DHX40: variants seen among roughly 807,000 people sequenced by gnomAD.
DHX40 encodes probable ATP-dependent RNA helicase DHX40.
A neutral mutation model predicts 89.6 loss-of-function variants in DHX40; 28 were observed. The ratio of observed to expected loss-of-function variants is 0.31; its 90% CI spans 0.23 to 0.43. The LOEUF is 0.43. DHX40 is among the 20% of genes least tolerant of loss of function. The pLI, the probability that DHX40 is intolerant of heterozygous loss-of-function variation, is 1.00. For synonymous variants in DHX40, 226 were observed against 283.6 expected, an observed-to-expected ratio of 0.80 and a Z score of 2.04; for missense variants, 457 against 844.0, an observed-to-expected ratio of 0.54 and a Z score of 5.68.
intron 7 of DHX40, among the ~76,000 whole-genome samples, chr17:59,576,589 C>T (rs536946161): frequency 6.6e-6 from 1 of 152,230 alleles, no homozygotes; most frequent in African/African-American, 2.4e-5. Context: ...ATATTAGCTT[C>T]TTACTCTCTA....
At chr17:59,581,132 T>G (rs1472444460) in intron 10 of DHX40, among the ~76,000 whole-genome samples, 1 of 148,860 alleles carries the variant, frequency 6.7e-6, no homozygotes, top group East Asian at 2.0e-4. Context: ...GTGGAGTGTT[T>G]TTTTTGTATG....
intron 16 of DHX40, 124 bp downstream of exon 16, chr17:59,605,308 TA>T: frequency 8.0e-7 from 1 of 1,248,304 alleles, no homozygotes. Flanking sequence ...CATAGATCTA[TA>T]AGGGTATTGG....
intron 11 of DHX40, among the ~76,000 whole-genome samples, chr17:59,587,245 C>T (rs560189611): frequency 1.1e-4 from 16 of 150,784 alleles, no homozygotes; most frequent in Admixed American, 3.3e-4. Flanking sequence ...TTTTTTGAGA[C>T]GGAGTTTTAC....
rs2049004583 is a variant in DHX40, at chr17:59,586,833, G to A, written c.1424+600G>A. Among the ~76,000 whole-genome samples, 2 of 152,042 alleles carry A rather than the reference G, an allele frequency of 1.3e-5. 1 individual carries two copies. The highest frequency in any genetic ancestry group is 2.9e-5 in the Non-Finnish European group (2 of 67,998). On this transcript the variant is annotated intron_variant, in intron 11 of 17. Coordinates refer to ENST00000251241, the MANE Select transcript of DHX40 (RefSeq NM_024612.5). ...GTCCTTGTTTTCATGTTTGTGTGAT[G>A]GGGTGGTTAGGTTTGATATTAATAA...
intron 15 of DHX40, 94 bp downstream of exon 15, chr17:59,602,710 T>A: frequency 9.2e-7 from 1 of 1,090,492 alleles, no homozygotes; most frequent in South Asian, 1.6e-5. Context: ...AAGATTTGAT[T>A]TAAGCTCTGT....
chr17:59,602,757 C>G (rs2030611723), intron 15 of DHX40, 141 bp downstream of exon 15: 2 of 758,302 alleles, frequency 2.6e-6, no homozygotes, highest in Non-Finnish European at 4.0e-6. Context: ...CGAGGGAGAG[C>G]TACAGTGACG....
At chr17:59,587,198 TTC>T (rs1259114572) in intron 11 of DHX40, among the ~76,000 whole-genome samples, 1 of 147,582 alleles carries the variant, frequency 6.8e-6, no homozygotes, top group Non-Finnish European at 1.5e-5. Flanking sequence ...AAAATTATTA[TTC>T]TCTCATGTCT....
chr17:59,597,623 C>T (rs551864505), intron 12 of DHX40, among the ~76,000 whole-genome samples: 11 of 152,046 alleles, frequency 7.2e-5, no homozygotes, highest in South Asian at 6.2e-4. Context: ...GATGCGATCA[C>T]GGCTCACTGT....
chr17:59,570,514 A>T lies in DHX40; in HGVS notation c.281-4A>T. On this transcript the variant is annotated splice_region_variant and splice_polypyrimidine_tract_variant and intron_variant, in intron 2 of 17. Coordinates refer to ENST00000251241, the MANE Select transcript of DHX40 (RefSeq NM_024612.5). Reference sequence around the variant, plus strand: ...TTGTGTTTCTTTATCTCTGGTTTTGATAGGGTTTTCACAACATGGTATGAT... The same window carrying T: ...TTGTGTTTCTTTATCTCTGGTTTTGTTAGGGTTTTCACAACATGGTATGAT... 6.3e-7 allele frequency: 1 copy of T among 1,588,520 alleles called. No homozygotes were observed. Among genetic ancestry groups the T allele is most frequent in the East Asian group, 2.4e-5 (1 of 42,336 alleles).
intron 1 of DHX40, among the ~76,000 whole-genome samples, chr17:59,566,132 GGGAGCCAGTTTCCA>G (rs1295384586): frequency 6.6e-5 from 10 of 152,262 alleles, no homozygotes; most frequent in East Asian, 1.9e-4. Flanking sequence ...ACAGTATGAA[GGGAGCCAGTTTCCA>G]GGAGCCAGTT....
At chr17:59,586,046 T>G (rs2048990778) in intron 10 of DHX40, 107 bp from the exon 11 acceptor site, 1 of 797,248 alleles carries the variant, frequency 1.3e-6, no homozygotes, top group Non-Finnish European at 2.0e-6. Context: ...AGAAGATGAC[T>G]TGAAAAATAG....
chr17:59,591,681 A>AC (rs1200140281), intron 12 of DHX40, among the ~76,000 whole-genome samples: 1 of 151,330 alleles, frequency 6.6e-6, no homozygotes, highest in Non-Finnish European at 1.5e-5. Context: ...TTAACATTTT[A>AC]CCCCCTTTGC....
At chr17:59,605,799 CAAAATA>C (rs781309233) in intron 17 of DHX40, 125 bp downstream of exon 17, 21 of 935,890 alleles carry the variant, frequency 2.2e-5, no homozygotes, top group African/African-American at 4.9e-5. Flanking sequence ...CCATCTCTAG[CAAAATA>C]AAAATAAAAA....
intron 5 of DHX40, 67 bp from the exon 6 acceptor site, chr17:59,574,121 A>G: frequency 3.6e-6 from 2 of 552,344 alleles, no homozygotes; most frequent in Non-Finnish European, 6.0e-6. Context: ...CTGTGGGGCA[A>G]GGGAAGTGGT....
At chr17:59,599,133 G>T (rs542457474) in intron 13 of DHX40, among the ~76,000 whole-genome samples, 2 of 151,530 alleles carry the variant, frequency 1.3e-5, no homozygotes, top group Admixed American at 1.3e-4. Flanking sequence ...TTGGATATTT[G>T]TTATTGCATA....
At chr17:59,571,228 C>T (rs1300049340) in intron 3 of DHX40, among the ~76,000 whole-genome samples, 12 of 151,980 alleles carry the variant, frequency 7.9e-5, no homozygotes, top group Admixed American at 5.3e-4. Context: ...GAGGCCGAGG[C>T]GGGTGGATCA....
intron 11 of DHX40, among the ~76,000 whole-genome samples, chr17:59,587,219 ATCT>A (rs112987281): frequency 0.38 from 57,461 of 150,534 alleles, 13,644 homozygotes; most frequent in African/African-American, 0.66. Flanking sequence ...CTTCAAAGAC[ATCT>A]TCTTTTTTTT....
At chr17:59,598,250 A>G (rs530346100) in intron 12 of DHX40, among the ~76,000 whole-genome samples, 137 of 152,288 alleles carry the variant, frequency 9.0e-4, no homozygotes, top group African/African-American at 3.0e-3. Context: ...CAGATTATAT[A>G]TTCCATTTAT....
At chr17:59,567,729 A>G (rs1370913833) in intron 2 of DHX40, among the ~76,000 whole-genome samples, 1 of 151,568 alleles carries the variant, frequency 6.6e-6, no homozygotes, top group African/African-American at 2.4e-5. Flanking sequence ...GATCGGGACC[A>G]TCATGGCTAA....
Sources: allele counts gnomAD v4.1 joint callset (sites outside exome capture counted in the v4.1 genomes callset), GRCh38; gene constraint gnomAD v4.1.1; transcripts MANE v1.5; gene names NCBI Gene and HGNC (gene_info 2026-07-23, HGNC 2026-07-21).